The following FRMD4B variants were observed in gnomAD, a reference collection of about 807,000 sequenced individuals.
FRMD4B encodes the protein FERM domain-containing protein 4B.
In FRMD4B, 74 loss-of-function variants were observed where a neutral mutation model predicts 141.5. The observed-to-expected ratio is 0.52, with a 90% confidence interval of 0.43 to 0.63. The LOEUF is 0.63. Ranked by LOEUF, FRMD4B falls within the 30% of genes least tolerant of loss-of-function variation. The pLI is 0.00. For synonymous variants in FRMD4B, 506 were observed against 467.9 expected, an observed-to-expected ratio of 1.08 and a Z score of -1.05; for missense variants, 1,366 against 1,253.4, an observed-to-expected ratio of 1.09 and a Z score of -1.36.
At chr3:69,259,206 C>T (rs1448072060) in intron 5 of FRMD4B, among the ~76,000 whole-genome samples, 2 of 152,162 alleles carry the variant, frequency 1.3e-5, no homozygotes, top group Admixed American at 6.5e-5. Flanking sequence ...ACCTAGATTC[C>T]GTGCATGTGC....
chr3:69,310,520 G>A (rs1701541712), intron 3 of FRMD4B: 1 of 449,274 alleles, frequency 2.2e-6, no homozygotes, highest in African/African-American at 2.2e-5. Flanking sequence ...AAATTGGGCT[G>A]CCATAAAAAA....
intron 2 of FRMD4B, among the ~76,000 whole-genome samples, chr3:69,404,269 G>A (rs1704616675): frequency 2.6e-5 from 4 of 151,990 alleles, no homozygotes; most frequent in Admixed American, 2.6e-4. Context: ...GTGTATTTTT[G>A]CCCATAAGAT....
chr3:69,259,423 T>C (rs556855479), intron 5 of FRMD4B, among the ~76,000 whole-genome samples: 1 of 152,202 alleles, frequency 6.6e-6, no homozygotes, highest in South Asian at 2.1e-4. Flanking sequence ...GGCCTGGGGG[T>C]TGGGGACCCC....
At chr3:69,305,283 T>G (rs1701356536) in intron 3 of FRMD4B, among the ~76,000 whole-genome samples, 1 of 152,098 alleles carries the variant, frequency 6.6e-6, no homozygotes, top group African/African-American at 2.4e-5. Flanking sequence ...AGTGTGTCTT[T>G]GTTTCCATAG....
At chr3:69,383,573 T>C (rs1339105327) in intron 1 of FRMD4B, among the ~76,000 whole-genome samples, 4 of 152,230 alleles carry the variant, frequency 2.6e-5, no homozygotes, top group African/African-American at 9.6e-5. Context: ...AATTAATTAA[T>C]TTTTTAGAGG....
chr3:69,521,270 T>G (rs1414698522), intron 1 of FRMD4B, among the ~76,000 whole-genome samples: 2 of 152,220 alleles, frequency 1.3e-5, no homozygotes, highest in Non-Finnish European at 2.9e-5. Context: ...AAATCTTCAG[T>G]GAGTCTCACA....
chr3:69,208,508 G>GCCTATCTCCTGGT (rs1289060883), intron 11 of FRMD4B, among the ~76,000 whole-genome samples: 3,344 of 152,188 alleles, frequency 0.022, 64 homozygotes, highest in Non-Finnish European at 0.029. Context: ...CTTCTCCTGG[G>GCCTATCTCCTGGT]TTTCTAACAT....
intron 1 of FRMD4B, among the ~76,000 whole-genome samples, chr3:69,344,406 C>T (rs1226271434): frequency 6.6e-6 from 1 of 152,128 alleles, no homozygotes; most frequent in African/African-American, 2.4e-5. Context: ...AGGTTAAACA[C>T]AGTGACAGAT....
chr3:69,469,122 G>T (rs1705844121), intron 1 of FRMD4B, among the ~76,000 whole-genome samples: 1 of 152,136 alleles, frequency 6.6e-6, no homozygotes, highest in Non-Finnish European at 1.5e-5. Context: ...ATCTCACTTA[G>T]TGACATGGCT....
Position 69,171,631 on chromosome 3 carries a change from G to T in FRMD4B, c.*230C>A. On this transcript the variant is annotated 3_prime_UTR_variant, in exon 23 of 23. Transcript: ENST00000398540. Reference sequence around the variant, plus strand: ...TTGGCAATACTTCAACATGTGGGCAGACCCTACAGTTACGTTAGTGCCTAG... The same window carrying T: ...TTGGCAATACTTCAACATGTGGGCATACCCTACAGTTACGTTAGTGCCTAG... 2.2e-6 allele frequency: 1 copy of T among 460,838 alleles called. No homozygotes were observed. The allele number at this position is 460,838 out of a possible 1,614,324, so 28.5% of individuals were successfully genotyped here.
intron 4 of FRMD4B, among the ~76,000 whole-genome samples, chr3:69,296,784 A>G (rs1701048042): frequency 6.6e-6 from 1 of 152,228 alleles, no homozygotes; most frequent in Admixed American, 6.5e-5. Context: ...TCTGGTCACA[A>G]ACATTTTATC....
intron 11 of FRMD4B, among the ~76,000 whole-genome samples, chr3:69,213,143 T>C (rs2093103050): frequency 6.6e-6 from 1 of 152,132 alleles, no homozygotes; most frequent in Admixed American, 6.6e-5. Context: ...GCTAGAGAAA[T>C]ATGGCAAGGT....
At chr3:69,372,739 T>C (rs1703861665) in intron 1 of FRMD4B, among the ~76,000 whole-genome samples, 1 of 152,192 alleles carries the variant, frequency 6.6e-6, no homozygotes, top group Non-Finnish European at 1.5e-5. Flanking sequence ...AATGATGATA[T>C]CCAGTGTGTA....
At chr3:69,488,115 G>A (rs1446529055) in intron 1 of FRMD4B, among the ~76,000 whole-genome samples, 2 of 152,096 alleles carry the variant, frequency 1.3e-5, no homozygotes, top group Admixed American at 1.3e-4. Flanking sequence ...AGAAAAAAGA[G>A]AAAGAGAAAA....
At chr3:69,305,279 T>C (rs998227054) in intron 3 of FRMD4B, among the ~76,000 whole-genome samples, 2 of 152,068 alleles carry the variant, frequency 1.3e-5, no homozygotes, top group Admixed American at 1.3e-4. Flanking sequence ...AAAGAGTGTG[T>C]CTTTGTTTCC....
At chr3:69,362,093 C>T (rs1703486701) in intron 1 of FRMD4B, among the ~76,000 whole-genome samples, 1 of 152,122 alleles carries the variant, frequency 6.6e-6, no homozygotes, top group African/African-American at 2.4e-5. Flanking sequence ...TTTGTTTGCA[C>T]AGGTATAGGT....
intron 3 of FRMD4B, among the ~76,000 whole-genome samples, chr3:69,310,807 G>C (rs1466095907): frequency 6.6e-6 from 1 of 151,892 alleles, no homozygotes; most frequent in African/African-American, 2.4e-5. Flanking sequence ...ATGGACCTAA[G>C]TGGTAGTTTA....
chr3:69,318,652 A>C (rs1701885344), intron 1 of FRMD4B, among the ~76,000 whole-genome samples: 1 of 152,272 alleles, frequency 6.6e-6, no homozygotes, highest in Non-Finnish European at 1.5e-5. Flanking sequence ...CGCTAGCAAC[A>C]GAAAGGCCTG....
At chr3:69,511,562 C>G (rs1297634273) in intron 1 of FRMD4B, among the ~76,000 whole-genome samples, 4 of 152,200 alleles carry the variant, frequency 2.6e-5, no homozygotes, top group African/African-American at 9.7e-5. Context: ...ACCTGACTGA[C>G]AGCCCCAGCT....
Sources: allele counts gnomAD v4.1 joint callset (sites outside exome capture counted in the v4.1 genomes callset), GRCh38; gene constraint gnomAD v4.1.1; transcripts MANE v1.5; gene names NCBI Gene and HGNC (gene_info 2026-07-23, HGNC 2026-07-21).